The following ETNK1 variants were observed in gnomAD, a reference collection of about 807,000 sequenced individuals.
ETNK1 encodes the protein ethanolamine kinase 1, also known as putative protein product of Nbla10396.
Under a neutral mutation model 45.1 loss-of-function variants are expected in ETNK1, and 8 were observed. The observed-to-expected ratio is 0.18, with a 90% CI of 0.10 to 0.32. The LOEUF (loss-of-function observed/expected upper bound fraction) is 0.32. Among genes scored for constraint, ETNK1 ranks in the 10% least tolerant of loss-of-function variants. The pLI is 1.00. For missense variants in ETNK1, 302 were observed against 430.6 expected (o/e 0.70, Z 2.64); for synonymous variants, 152 against 151.9 (o/e 1.00, Z -0.01).
intron 6 of ETNK1, among the ~76,000 whole-genome samples, chr12:22,681,845 T>C (rs1480676732): frequency 6.6e-6 from 1 of 152,084 alleles, no homozygotes; most frequent in East Asian, 1.9e-4. Context: ...TTCAAGTATA[T>C]GAAAAAAAGT....
At chr12:22,651,196 G>A (rs961574969) in intron 2 of ETNK1, among the ~76,000 whole-genome samples, 2 of 152,200 alleles carry the variant, frequency 1.3e-5, no homozygotes, top group South Asian at 2.1e-4. Flanking sequence ...CGGACCAGGC[G>A]TGCCTTTTGC....
In ETNK1 at chr12:22,639,221, A is replaced by T. The variant is rs192320860; in HGVS notation, c.157-4542A>T. Among the ~76,000 whole-genome samples the T allele has an allele frequency of 5.6e-3, 855 of 152,092 alleles. 5 individuals are homozygous for T. Among genetic ancestry groups the T allele is most frequent in the African/African-American group, 0.019 (806 of 41,494 alleles). Reference sequence around the variant, plus strand: ...GGTGTTTTTTAATTTTTAATTAATTAATTTATTTTTTTAGAGAAGTGGGGT... The same window carrying T: ...GGTGTTTTTTAATTTTTAATTAATTTATTTATTTTTTTAGAGAAGTGGGGT... On this transcript the variant is annotated intron_variant, in intron 1 of 7. Transcript: ENST00000266517.
At chr12:22,636,367 A>G (rs1953655486) in intron 1 of ETNK1, among the ~76,000 whole-genome samples, 1 of 152,168 alleles carries the variant, frequency 6.6e-6, no homozygotes, top group Admixed American at 6.5e-5. Context: ...GGTGTGCTCA[A>G]ATTTCCAACA....
intron 5 of ETNK1, among the ~76,000 whole-genome samples, chr12:22,672,280 G>A (rs1289163684): frequency 1.3e-5 from 2 of 152,068 alleles, no homozygotes; most frequent in African/African-American, 4.8e-5. Flanking sequence ...TTAGAAACAC[G>A]AAATGCTCTA....
chr12:22,684,079 G>A (rs1002694818), intron 6 of ETNK1, among the ~76,000 whole-genome samples: 8 of 152,082 alleles, frequency 5.3e-5, no homozygotes. Flanking sequence ...TATTGCTTGT[G>A]AGATTTGGAT....
intron 3 of ETNK1, among the ~76,000 whole-genome samples, chr12:22,659,519 C>T (rs1205483857): frequency 6.6e-6 from 1 of 152,112 alleles, no homozygotes; most frequent in Non-Finnish European, 1.5e-5. Flanking sequence ...GCACAAGAGC[C>T]TGGAGCCAAA....
chr12:22,656,568 T>C, intron 2 of ETNK1: 1 of 985,364 alleles, frequency 1.0e-6, no homozygotes, highest in Non-Finnish European at 1.2e-6. Context: ...AGCCCTCCAG[T>C]GACATGGGCC....
At chr12:22,667,920 G>C (rs868739657) in intron 4 of ETNK1, among the ~76,000 whole-genome samples, 29 of 152,142 alleles carry the variant, frequency 1.9e-4, no homozygotes, top group Non-Finnish European at 2.4e-4. Flanking sequence ...GTCGGGATTT[G>C]ATTACGCTGA....
chr12:22,635,180 CTG>C lies in ETNK1; in HGVS notation c.157-8578_157-8577del, dbSNP rs201785506. ...CACAGCCTGTGCTGGACCTGTCACT[CTG>C]TGTGAAATATTTTTCCCTGTTTTAC... On this transcript the variant is annotated intron_variant, in intron 1 of 7. Transcript: ENST00000266517. Among the ~76,000 whole-genome samples, 24 of 152,320 alleles carry C rather than the reference CTG, an allele frequency of 1.6e-4. No individual in the cohort carries two copies. The East Asian group carries it at 3.5e-3, about 22-fold the overall frequency.
At chr12:22,684,077 G>A (rs1425561472) in intron 6 of ETNK1, among the ~76,000 whole-genome samples, 1 of 152,068 alleles carries the variant, frequency 6.6e-6, no homozygotes, top group Admixed American at 6.6e-5. Context: ...TTTATTGCTT[G>A]TGAGATTTGG....
chr12:22,682,172 A>G, intron 6 of ETNK1: 1 of 219,810 alleles, frequency 4.5e-6, no homozygotes, highest in Non-Finnish European at 9.5e-6. Flanking sequence ...GCTAAAGATC[A>G]CATATGTTGA....
At chr12:22,629,244 T>C (rs1413946888) in intron 1 of ETNK1, among the ~76,000 whole-genome samples, 1 of 152,152 alleles carries the variant, frequency 6.6e-6, no homozygotes, top group East Asian at 1.9e-4. Context: ...AACGTAATGT[T>C]TATGGAATGA....
intron 1 of ETNK1, among the ~76,000 whole-genome samples, chr12:22,640,546 T>C (rs1953723196): frequency 6.6e-6 from 1 of 152,158 alleles, no homozygotes; most frequent in Non-Finnish European, 1.5e-5. Flanking sequence ...TTAATTATTA[T>C]TTTATAATTT....
At chr12:22,627,088 A>C (rs1255953458) in intron 1 of ETNK1, among the ~76,000 whole-genome samples, 2 of 152,086 alleles carry the variant, frequency 1.3e-5, no homozygotes, top group East Asian at 3.9e-4. Context: ...GAAGACTGGA[A>C]TTTCCTTTGA....
At chr12:22,645,539 C>T (rs1367040336) in intron 2 of ETNK1, among the ~76,000 whole-genome samples, 2 of 151,480 alleles carry the variant, frequency 1.3e-5, no homozygotes, top group African/African-American at 4.8e-5. Flanking sequence ...AATGCCAAAG[C>T]CTTTGTTTAT....
intron 6 of ETNK1, among the ~76,000 whole-genome samples, chr12:22,676,343 G>T (rs1954161872): frequency 6.6e-6 from 1 of 151,996 alleles, no homozygotes; most frequent in Non-Finnish European, 1.5e-5. Context: ...TGAACTCATC[G>T]TTTTTGATGG....
At chr12:22,655,359 G>A (rs1314599930) in intron 2 of ETNK1, among the ~76,000 whole-genome samples, 1 of 145,702 alleles carries the variant, frequency 6.9e-6, no homozygotes, top group Admixed American at 6.8e-5. Context: ...TTTTCGAGAC[G>A]GAGTCTCGCT....
At chr12:22,636,890 A>C (rs1402075669) in intron 1 of ETNK1, among the ~76,000 whole-genome samples, 1 of 152,208 alleles carries the variant, frequency 6.6e-6, no homozygotes, top group Non-Finnish European at 1.5e-5. Flanking sequence ...AACGTGTAAA[A>C]TAATATGAAC....
At chr12:22,646,178 A>G (rs1015598771) in intron 2 of ETNK1, among the ~76,000 whole-genome samples, 1 of 151,900 alleles carries the variant, frequency 6.6e-6, no homozygotes, top group African/African-American at 2.4e-5. Flanking sequence ...ACTGTATTCT[A>G]ATTCCTATGG....
Sources: gnomAD v4.1 joint callset for allele counts (sites outside exome capture counted in the v4.1 genomes callset) on GRCh38, gnomAD v4.1.1 for gene constraint, MANE v1.5 for transcripts, NCBI Gene and HGNC (gene_info 2026-07-23, HGNC 2026-07-21) for gene names.